ARHGEF28: variants seen among roughly 807,000 people sequenced by gnomAD.
The protein encoded by ARHGEF28 is 190 kDa guanine nucleotide exchange factor.
In ARHGEF28, 152 loss-of-function variants were observed where a neutral mutation model predicts 206.6. The ratio of observed to expected loss-of-function variants is 0.74; its 90% CI spans 0.64 to 0.84. ARHGEF28 has a LOEUF of 0.84. Ranked by LOEUF, ARHGEF28 falls within the 40% of genes least tolerant of loss-of-function variation. The pLI, the probability that ARHGEF28 is intolerant of heterozygous loss-of-function variation, is 0.00. For synonymous variants in ARHGEF28, 763 were observed against 776.4 expected (o/e 0.98, Z 0.29); for missense variants, 2,028 against 2,073.2 (o/e 0.98, Z 0.42).
intron 5 of ARHGEF28, among the ~76,000 whole-genome samples, chr5:73,775,996 T>A (rs1753520101): frequency 6.6e-6 from 1 of 152,208 alleles, no homozygotes; most frequent in African/African-American, 2.4e-5. Context: ...ATGATCAAAT[T>A]TGTGCATGTT....
chr5:73,867,335 C>G (rs898327928), intron 18 of ARHGEF28, among the ~76,000 whole-genome samples: 2 of 152,088 alleles, frequency 1.3e-5, no homozygotes, highest in Non-Finnish European at 2.9e-5. Context: ...ACCAGAAAAA[C>G]ACAGAAGCCC....
intron 7 of ARHGEF28, among the ~76,000 whole-genome samples, chr5:73,792,223 A>T (rs896665200): frequency 6.6e-6 from 1 of 152,196 alleles, no homozygotes; most frequent in Non-Finnish European, 1.5e-5. Flanking sequence ...ATGAAGACAT[A>T]TATTTTAATA....
intron 14 of ARHGEF28, 132 bp downstream of exon 14, chr5:73,852,824 G>T: frequency 1.1e-6 from 1 of 931,712 alleles, no homozygotes; most frequent in Non-Finnish European, 1.7e-6. Context: ...AAGACCCTTT[G>T]CTCCCTCTGG....
chr5:73,795,276 T>C, intron 8 of ARHGEF28, 55 bp from the exon 9 acceptor site: 2 of 1,495,106 alleles, frequency 1.3e-6, no homozygotes, highest in Non-Finnish European at 1.8e-6. Context: ...AAAATAAACA[T>C]TAGTGTAGCA....
chr5:73,761,575 C>G (rs1004542481), intron 4 of ARHGEF28, among the ~76,000 whole-genome samples: 1 of 152,134 alleles, frequency 6.6e-6, no homozygotes, highest in Non-Finnish European at 1.5e-5. Context: ...TGTCTTGACT[C>G]TCTCAAATAT....
chr5:73,940,744 G>A, intron 35 of ARHGEF28, 100 bp from the exon 36 acceptor site: 10 of 1,100,002 alleles, frequency 9.1e-6, no homozygotes, highest in Non-Finnish European at 1.2e-5. Flanking sequence ...CTGACTATAT[G>A]GGCACTGCAT....
chr5:73,875,794 C>G (rs1277494976), intron 22 of ARHGEF28, among the ~76,000 whole-genome samples: 2 of 152,088 alleles, frequency 1.3e-5, no homozygotes, highest in African/African-American at 2.4e-5. Flanking sequence ...TGTTTTGGTA[C>G]CAGTACCATG....
intron 9 of ARHGEF28, among the ~76,000 whole-genome samples, chr5:73,818,849 A>G (rs1251298780): frequency 6.6e-6 from 1 of 152,238 alleles, no homozygotes; most frequent in Non-Finnish European, 1.5e-5. Context: ...GGGAGATAGT[A>G]TTATAATTTA....
chr5:73,663,084 T>G (rs1745711814), intron 1 of ARHGEF28, among the ~76,000 whole-genome samples: 2 of 152,188 alleles, frequency 1.3e-5, no homozygotes, highest in South Asian at 4.1e-4. Flanking sequence ...GCTTCCCAAG[T>G]AGCTGGGATT....
intron 4 of ARHGEF28, among the ~76,000 whole-genome samples, chr5:73,768,185 G>A (rs73116594): frequency 0.092 from 13,950 of 152,232 alleles, 1,368 homozygotes; most frequent in African/African-American, 0.24. Flanking sequence ...TGCTAGGGTA[G>A]TGTGGATGGG....
At chr5:73,629,901 G>A (rs1743256715) in intron 1 of ARHGEF28, among the ~76,000 whole-genome samples, 2 of 152,140 alleles carry the variant, frequency 1.3e-5, no homozygotes, top group South Asian at 2.1e-4. Context: ...ACATACAAGC[G>A]ATGTTCTCTT....
intron 9 of ARHGEF28, among the ~76,000 whole-genome samples, chr5:73,808,784 C>T (rs901693717): frequency 3.9e-5 from 6 of 152,124 alleles, no homozygotes; most frequent in Non-Finnish European, 7.3e-5. Flanking sequence ...GGTGGCTTAA[C>T]AGTGGAGTAG....
chr5:73,930,548 A>G (rs1396180764), intron 35 of ARHGEF28, among the ~76,000 whole-genome samples: 3 of 152,238 alleles, frequency 2.0e-5, no homozygotes, highest in East Asian at 1.9e-4. Context: ...CATGTTTACA[A>G]TGACACGTGA....
Position 73,911,473 on chromosome 5 carries a change from C to T in ARHGEF28, c.4846C>T (p.Pro1616Ser). The change falls in exon 35 of 36, where the codon CCT becomes TCT. Residue 1616 changes from proline to serine, a missense_variant. Pro to Ser is a moderately conservative substitution (Grantham distance 74). This residue lies in a region of ARHGEF28 where 803 missense variants were observed against 768.0 expected (regional missense o/e 1.05). Transcript: ENST00000513042. ...ACATCAAGTAGACCTCAAGGTGGAC[C>T]CTTCTCAGCCTTCGAATGTCAGTCA... ...SEHQVDLKVD[P>S]SQPSNVSHKL... 2 of 1,613,934 alleles carry T rather than the reference C, an allele frequency of 1.2e-6. No homozygotes were observed. Among genetic ancestry groups the T allele is most frequent in the Non-Finnish European group, 1.7e-6 (2 of 1,179,874 alleles).
chr5:73,837,844 C>T (rs1757755357), intron 10 of ARHGEF28, among the ~76,000 whole-genome samples: 1 of 151,592 alleles, frequency 6.6e-6, no homozygotes, highest in Admixed American at 6.6e-5. Context: ...CAGGCTCAAG[C>T]AATTCTTGTG....
At chr5:73,796,913 G>A (rs1049151834) in intron 9 of ARHGEF28, among the ~76,000 whole-genome samples, 4 of 152,192 alleles carry the variant, frequency 2.6e-5, no homozygotes, top group African/African-American at 9.7e-5. Flanking sequence ...TGTTAGCTTT[G>A]AAGAATGTTT....
intron 14 of ARHGEF28, among the ~76,000 whole-genome samples, chr5:73,853,476 G>A (rs1414567106): frequency 6.6e-6 from 1 of 152,232 alleles, no homozygotes; most frequent in African/African-American, 2.4e-5. Flanking sequence ...TACGGATCAA[G>A]ATGGGGTGTT....
At chr5:73,852,090 T>C (rs1189678854) in intron 13 of ARHGEF28, among the ~76,000 whole-genome samples, 1 of 152,002 alleles carries the variant, frequency 6.6e-6, no homozygotes, top group Non-Finnish European at 1.5e-5. Flanking sequence ...TGCATGAACC[T>C]CCCTTCTGGC....
At position 73,680,434 on chromosome 5, in the gene ARHGEF28, C is replaced by CAAA. The variant is rs71615795; in HGVS notation, c.-11-4381_-11-4379dup. 2.0e-3 allele frequency among the ~76,000 whole-genome samples: 60 copies of CAAA among 30,474 alleles called. 6 individuals are homozygous for CAAA. The highest frequency in any genetic ancestry group is 5.2e-3 in the African/African-American group (44 of 8,514). 20.0% of individuals were successfully genotyped at this position (30,474 alleles called of 152,430 possible). On this transcript the variant is annotated intron_variant, in intron 1 of 35. Transcript: ENST00000513042. Reference sequence around the variant, plus strand: ...TGGGCAAGAGAGTAAGACTCCATCTCAAAAAAAAAAAAAAAAAAAAAAAAA... The same window carrying CAAA: ...TGGGCAAGAGAGTAAGACTCCATCTCAAAAAAAAAAAAAAAAAAAAAAAAAAAA...
Sources: gnomAD v4.1 joint callset for allele counts (sites outside exome capture counted in the v4.1 genomes callset) on GRCh38, gnomAD v4.1.1 for gene constraint, gnomAD v4.1.1 regional missense constraint, MANE v1.5 for transcripts, NCBI Gene and HGNC (gene_info 2026-07-23, HGNC 2026-07-21) for gene names.